Variants in HDDC2 observed in about 807,000 individuals in gnomAD.
The protein encoded by HDDC2 is HD domain containing 2.
HDDC2 carries 25 observed loss-of-function variants against 25.5 expected under a neutral mutation model. The observed-to-expected ratio is 0.98, with a 90% CI of 0.72 to 1.37. HDDC2 has a LOEUF of 1.37. Among genes scored for constraint, HDDC2 ranks in the 40% most tolerant of loss-of-function variants. The pLI is 0.00. For synonymous variants in HDDC2, 106 were observed against 89.7 expected, an observed-to-expected ratio of 1.18 and a Z score of -1.03; for missense variants, 264 against 253.1, an observed-to-expected ratio of 1.04 and a Z score of -0.29.
At chr6:125,295,660 CCTT>C (rs1271726509) in intron 3 of HDDC2, among the ~76,000 whole-genome samples, 8 of 152,074 alleles carry the variant, frequency 5.3e-5, no homozygotes, top group Non-Finnish European at 7.4e-5. Context: ...TTCATTTTCT[CCTT>C]CTTGTCATAC....
chr6:125,300,795 A>C, intron 1 of HDDC2, 136 bp from the exon 2 acceptor site: 1 of 793,424 alleles, frequency 1.3e-6, no homozygotes, highest in Non-Finnish European at 1.9e-6. Flanking sequence ...ATGTTTTGCT[A>C]AACTAGCTAA....
At chr6:125,295,662 T>C (rs905757026) in intron 3 of HDDC2, among the ~76,000 whole-genome samples, 12 of 152,208 alleles carry the variant, frequency 7.9e-5, no homozygotes, top group Non-Finnish European at 1.3e-4. Flanking sequence ...CATTTTCTCC[T>C]TCTTGTCATA....
At chr6:125,279,159 T>C (rs1430225162) in intron 4 of HDDC2, 1 of 152,204 alleles carries the variant, frequency 6.6e-6, no homozygotes, top group African/African-American at 2.4e-5. Flanking sequence ...ACAGGTATTC[T>C]CTAGAAATCT....
At chr6:125,286,037 G>C (rs1468448519) in intron 4 of HDDC2, among the ~76,000 whole-genome samples, 1 of 152,110 alleles carries the variant, frequency 6.6e-6, no homozygotes. Flanking sequence ...TTCAAGAAAA[G>C]AAACTGGGAA....
At chr6:125,276,798 C>G (rs552908768) in intron 5 of HDDC2, 2 of 357,808 alleles carry the variant, frequency 5.6e-6, no homozygotes, top group Non-Finnish European at 1.0e-5. Flanking sequence ...AGCAACCAAG[C>G]TCTAAGCTAT....
chr6:125,296,186 C>T (rs955436493), intron 3 of HDDC2, among the ~76,000 whole-genome samples: 2 of 151,870 alleles, frequency 1.3e-5, no homozygotes, highest in East Asian at 1.9e-4. Context: ...ATAGCATTTG[C>T]ATTATATTAG....
At chr6:125,289,496 T>A (rs1294282461) in intron 4 of HDDC2, among the ~76,000 whole-genome samples, 2 of 129,190 alleles carry the variant, frequency 1.5e-5, no homozygotes, top group Admixed American at 7.8e-5. Flanking sequence ...AAAAAAAAAT[T>A]AAAAAAAACA....
chr6:125,294,362 T>TATAA (rs1798674671), intron 3 of HDDC2, among the ~76,000 whole-genome samples: 1 of 152,204 alleles, frequency 6.6e-6, no homozygotes, highest in Non-Finnish European at 1.5e-5. Flanking sequence ...AATCCACTCT[T>TATAA]ATAAATAACA....
At chr6:125,297,996 T>C (rs1317108190) in intron 3 of HDDC2, among the ~76,000 whole-genome samples, 1 of 152,222 alleles carries the variant, frequency 6.6e-6, no homozygotes, top group Non-Finnish European at 1.5e-5. Flanking sequence ...CAATAATGAT[T>C]CGATTTGTGA....
chr6:125,279,765 G>T (rs989715974), intron 4 of HDDC2, among the ~76,000 whole-genome samples: 1 of 151,914 alleles, frequency 6.6e-6, no homozygotes, highest in Non-Finnish European at 1.5e-5. Context: ...AAGCACAAAG[G>T]TCAGATCCTA....
chr6:125,279,884 C>T (rs1054574349), intron 4 of HDDC2, among the ~76,000 whole-genome samples: 10 of 152,010 alleles, frequency 6.6e-5, no homozygotes, highest in African/African-American at 1.9e-4. Context: ...AAAGAGAACT[C>T]GAATCTATAT....
intron 4 of HDDC2, among the ~76,000 whole-genome samples, chr6:125,279,785 C>A (rs933924187): frequency 4.6e-5 from 7 of 152,042 alleles, no homozygotes; most frequent in Admixed American, 3.3e-4. Flanking sequence ...ATACAGCTAT[C>A]CCATAAGATA....
At chr6:125,277,052 C>G in intron 5 of HDDC2, 50 bp downstream of exon 5, 3 of 1,599,244 alleles carry the variant, frequency 1.9e-6, no homozygotes, top group Middle Eastern at 3.3e-4. Context: ...AGTCACTACA[C>G]TGAGTAAGCC....
chr6:125,300,680 AAAG>A, intron 1 of HDDC2, 21 bp from the exon 2 acceptor site: 1 of 1,608,688 alleles, frequency 6.2e-7, no homozygotes, highest in Non-Finnish European at 8.5e-7. Context: ...TGAAGAAGAA[AAAG>A]AAGTTTTAAA....
At chr6:125,281,542 A>G (rs1488154018) in intron 4 of HDDC2, among the ~76,000 whole-genome samples, 1 of 152,212 alleles carries the variant, frequency 6.6e-6, no homozygotes, top group African/African-American at 2.4e-5. Flanking sequence ...AAAACACAGC[A>G]TGAGAACTTC....
chr6:125,289,496 T>TAAAAAAAACAAAACAAAAC (rs1798597330), intron 4 of HDDC2, among the ~76,000 whole-genome samples: 1 of 129,192 alleles, frequency 7.7e-6, no homozygotes, highest in African/African-American at 3.5e-5. Context: ...AAAAAAAAAT[T>TAAAAAAAACAAAACAAAAC]AAAAAAAACA....
intron 4 of HDDC2, among the ~76,000 whole-genome samples, chr6:125,282,215 G>A (rs1017376969): frequency 5.3e-5 from 8 of 151,904 alleles, no homozygotes; most frequent in Non-Finnish European, 1.0e-4. Flanking sequence ...GCATGGTGGC[G>A]GGCGCCTATA....
chr6:125,295,587 C>T (rs573243352), intron 3 of HDDC2, among the ~76,000 whole-genome samples: 11 of 152,224 alleles, frequency 7.2e-5, no homozygotes, highest in African/African-American at 2.6e-4. Flanking sequence ...TTATTATTGG[C>T]ACATAATAAG....
At chr6:125,286,602 A>C (rs1184265168) in intron 4 of HDDC2, among the ~76,000 whole-genome samples, 1 of 152,230 alleles carries the variant, frequency 6.6e-6, no homozygotes, top group Non-Finnish European at 1.5e-5. Flanking sequence ...TTGAATTGAA[A>C]ACATCAGTAT....
Sources: gnomAD v4.1 joint callset for allele counts (sites outside exome capture counted in the v4.1 genomes callset) on GRCh38, gnomAD v4.1.1 for gene constraint, MANE v1.5 for transcripts, NCBI Gene and HGNC (gene_info 2026-07-23, HGNC 2026-07-21) for gene names.